Variants in CSMD1 observed in about 807,000 individuals in gnomAD.
CSMD1 encodes CUB and Sushi multiple domains 1.
A neutral mutation model predicts 417.5 loss-of-function variants in CSMD1; 213 were observed. The ratio of observed to expected loss-of-function variants is 0.51; its 90% CI spans 0.46 to 0.57. The LOEUF is 0.57. Among genes scored for constraint, CSMD1 ranks in the 20% least tolerant of loss-of-function variants. The probability of loss-of-function intolerance (pLI) is 0.00; values close to 1 mark genes in which losing one functional copy is unlikely to be tolerated. For synonymous variants in CSMD1, 2,862 were observed against 1,736.8 expected (o/e 1.65, Z -16.11); for missense variants, 6,923 against 4,529.7 (o/e 1.53, Z -15.17).
At chr8:2,957,675 G>T in intron 63 of CSMD1, 21 bp downstream of exon 63, 2 of 1,407,396 alleles carry the variant, frequency 1.4e-6, no homozygotes, top group South Asian at 1.2e-5. Flanking sequence ...TTGTGATGGG[G>T]GTGGAAGAAA....
intron 2 of CSMD1, among the ~76,000 whole-genome samples, chr8:4,611,206 T>A (rs1045920816): frequency 9.9e-5 from 15 of 152,210 alleles, no homozygotes; most frequent in African/African-American, 3.4e-4. Flanking sequence ...TACACAGTTT[T>A]TAAATATAAA....
chr8:3,241,608 G>A (rs574136339), intron 26 of CSMD1, among the ~76,000 whole-genome samples: 38 of 152,270 alleles, frequency 2.5e-4, no homozygotes, highest in African/African-American at 8.2e-4. Context: ...CTGCACAGAC[G>A]GGACACGGTT....
chr8:4,079,671 C>T (rs570080587), intron 3 of CSMD1, among the ~76,000 whole-genome samples: 1 of 152,312 alleles, frequency 6.6e-6, no homozygotes, highest in South Asian at 2.1e-4. Context: ...CTTGTGGGTT[C>T]ACATTAATTT....
intron 1 of CSMD1, among the ~76,000 whole-genome samples, chr8:4,861,784 A>G (rs1477313218): frequency 6.6e-6 from 1 of 152,070 alleles, no homozygotes; most frequent in African/African-American, 2.4e-5. Context: ...ATAAAGCTCT[A>G]AATAACTTTT....
chr8:4,520,994 A>G (rs1222314959), intron 2 of CSMD1, among the ~76,000 whole-genome samples: 2 of 152,150 alleles, frequency 1.3e-5, no homozygotes, highest in Non-Finnish European at 2.9e-5. Flanking sequence ...ATGGCTCATT[A>G]TATTGCTGTT....
At chr8:3,541,949 G>T (rs1798458502) in intron 10 of CSMD1, among the ~76,000 whole-genome samples, 2 of 152,054 alleles carry the variant, frequency 1.3e-5, no homozygotes, top group Non-Finnish European at 1.5e-5. Context: ...CCAGGAGGTG[G>T]AGGTTGGAGT....
intron 25 of CSMD1, among the ~76,000 whole-genome samples, chr8:3,295,854 C>T (rs147786315): frequency 3.6e-4 from 55 of 152,246 alleles, no homozygotes; most frequent in Middle Eastern, 3.4e-3. Context: ...ATCTATAAGA[C>T]GTTCCCTTTT....
At chr8:2,949,042 T>C (rs2128918038) in intron 68 of CSMD1, among the ~76,000 whole-genome samples, 1 of 152,144 alleles carries the variant, frequency 6.6e-6, no homozygotes, top group South Asian at 2.1e-4. Context: ...TTTTCATCTT[T>C]TTCTCTCTTA....
At chr8:3,894,647 C>T (rs926848674) in intron 5 of CSMD1, among the ~76,000 whole-genome samples, 1 of 152,178 alleles carries the variant, frequency 6.6e-6, no homozygotes. Flanking sequence ...CAAGACTTCA[C>T]TATTAACCTA....
At chr8:3,224,642 C>T (rs1233345607) in intron 27 of CSMD1, among the ~76,000 whole-genome samples, 1 of 152,122 alleles carries the variant, frequency 6.6e-6, no homozygotes, top group African/African-American at 2.4e-5. Context: ...GAAAGAACCA[C>T]TTTATATGAT....
Position 4,969,683 on chromosome 8 carries a change from G to A in CSMD1, c.85+24649C>T, listed in dbSNP as rs139845892. On this transcript the variant is annotated intron_variant, in intron 1 of 69. Coordinates refer to ENST00000635120, the MANE Select transcript of CSMD1 (RefSeq NM_033225.6). ...TGATTTCGAGGTGTGTCAATATTTT[G>A]GGGACTTGGAGGGAAGATTCCTGCG... 3.4e-3 allele frequency among the ~76,000 whole-genome samples: 510 copies of A among 152,078 alleles called. 10 individuals are homozygous for A. Among genetic ancestry groups the A allele is most frequent in the Admixed American group, 0.03 (464 of 15,250 alleles).
rs79368729 is a variant in CSMD1, at chr8:4,243,838, A to G, written c.415+176115T>C. 2.5e-3 allele frequency among the ~76,000 whole-genome samples: 383 copies of G among 152,306 alleles called. 1 individual carries two copies. The highest frequency in any genetic ancestry group is 8.9e-3 in the African/African-American group (371 of 41,572). ...TACAATGAAACAAAGATGTATAAGA[A>G]AACAGAGTAGGGACTGTGTTATTGC... On this transcript the variant is annotated intron_variant, in intron 3 of 69. Coordinates refer to ENST00000635120, the MANE Select transcript of CSMD1 (RefSeq NM_033225.6).
intron 5 of CSMD1, among the ~76,000 whole-genome samples, chr8:3,790,676 G>A (rs183553215): frequency 6.6e-6 from 1 of 152,114 alleles, no homozygotes; most frequent in East Asian, 1.9e-4. Context: ...TTGTTAACAG[G>A]GTTTGTTTTA....
At chr8:4,301,469 A>G (rs924506530) in intron 3 of CSMD1, among the ~76,000 whole-genome samples, 2 of 152,238 alleles carry the variant, frequency 1.3e-5, no homozygotes, top group African/African-American at 4.8e-5. Context: ...AGAGTGGTCC[A>G]GGATCTTGAT....
intron 11 of CSMD1, among the ~76,000 whole-genome samples, chr8:3,474,416 T>G (rs1483926480): frequency 6.6e-6 from 1 of 152,074 alleles, no homozygotes; most frequent in Non-Finnish European, 1.5e-5. Context: ...AAACAAACAT[T>G]TATTTATCCC....
chr8:4,024,659 T>C (rs543320832), intron 4 of CSMD1, among the ~76,000 whole-genome samples: 13 of 152,236 alleles, frequency 8.5e-5, no homozygotes, highest in African/African-American at 3.1e-4. Context: ...CCTCAGCATA[T>C]TGCCAAGGAG....
intron 3 of CSMD1, among the ~76,000 whole-genome samples, chr8:4,277,819 T>C (rs886887904): frequency 6.6e-6 from 1 of 152,108 alleles, no homozygotes; most frequent in Non-Finnish European, 1.5e-5. Context: ...ATAATCTCGG[T>C]TCACTGCAAG....
intron 5 of CSMD1, among the ~76,000 whole-genome samples, chr8:3,843,586 T>G (rs1409747837): frequency 1.3e-5 from 2 of 151,938 alleles, no homozygotes; most frequent in Admixed American, 6.6e-5. Context: ...TGCATCCAGT[T>G]GGAAGTTTAA....
intron 2 of CSMD1, among the ~76,000 whole-genome samples, chr8:4,455,850 G>C (rs111904107): frequency 1.5e-5 from 2 of 137,154 alleles, no homozygotes; most frequent in African/African-American, 5.4e-5. Flanking sequence ...ATAACTGCTT[G>C]AACCTGGGAG....
Sources: allele counts gnomAD v4.1 joint callset (sites outside exome capture counted in the v4.1 genomes callset), GRCh38; gene constraint gnomAD v4.1.1; transcripts MANE v1.5; gene names NCBI Gene and HGNC (gene_info 2026-07-23, HGNC 2026-07-21).